The following DLG2 variants were observed in gnomAD, a reference collection of about 807,000 sequenced individuals.
DLG2 encodes the protein discs large MAGUK scaffold protein 2, also known as disks large homolog 2.
DLG2 carries 45 observed loss-of-function variants against 132.5 expected under a neutral mutation model. That is an observed-to-expected ratio of 0.34 (90% CI 0.27 to 0.44). The LOEUF is 0.44. Among genes scored for constraint, DLG2 ranks in the 20% least tolerant of loss-of-function variants. The pLI is 1.00. For synonymous variants in DLG2, 424 were observed against 419.6 expected (o/e 1.01, Z -0.13); for missense variants, 1,045 against 1,196.9 (o/e 0.87, Z 1.87).
chr11:84,919,790 C>A (rs528718712), intron 6 of DLG2, among the ~76,000 whole-genome samples: 1 of 152,280 alleles, frequency 6.6e-6, no homozygotes, highest in South Asian at 2.1e-4. Flanking sequence ...ATGATACAGA[C>A]ATCTGATGCA....
At chr11:83,945,468 G>A (rs1346574227) in intron 14 of DLG2, among the ~76,000 whole-genome samples, 4 of 152,052 alleles carry the variant, frequency 2.6e-5, no homozygotes, top group Admixed American at 6.6e-5. Flanking sequence ...CCAGGTTTTC[G>A]TTCCTCAAAA....
chr11:84,868,418 AAG>A lies in DLG2; in HGVS notation c.357+243241_357+243242del, dbSNP rs1420692866. ...TCATTCTGCATTCATTGCTTCAAGT[AAG>A]AGATAGTTCCAAAACAAACAAACTG... On this transcript the variant is annotated intron_variant, in intron 6 of 27. Coordinates refer to ENST00000376104, the MANE Select transcript of DLG2 (RefSeq NM_001142699.3). Among the ~76,000 whole-genome samples the A allele has an allele frequency of 8.5e-5, 13 of 152,148 alleles. 1 individual carries two copies. Among genetic ancestry groups the A allele is most frequent in the Admixed American group, 7.2e-4 (11 of 15,262 alleles).
At chr11:85,117,676 A>T (rs1023928421) in intron 5 of DLG2, among the ~76,000 whole-genome samples, 1 of 151,756 alleles carries the variant, frequency 6.6e-6, no homozygotes, top group African/African-American at 2.4e-5. Context: ...AAAAATGAAA[A>T]GAGAAGTCTA....
At chr11:83,666,655 T>G (rs558002040) in intron 18 of DLG2, among the ~76,000 whole-genome samples, 3 of 152,288 alleles carry the variant, frequency 2.0e-5, no homozygotes, top group Non-Finnish European at 4.4e-5. Flanking sequence ...ATTTCCAGAC[T>G]TTTGTTCCCT....
intron 6 of DLG2, among the ~76,000 whole-genome samples, chr11:84,805,264 A>C (rs938719716): frequency 7.9e-5 from 12 of 152,204 alleles, no homozygotes; most frequent in Non-Finnish European, 2.9e-5. Flanking sequence ...GGAAACTGGG[A>C]ATTTTATCCC....
At chr11:84,542,004 A>G (rs17807689) in intron 6 of DLG2, among the ~76,000 whole-genome samples, 10,385 of 152,212 alleles carry the variant, frequency 0.068, 419 homozygotes, top group South Asian at 0.11. Flanking sequence ...GGCACAGTGC[A>G]TGATAACTGA....
chr11:83,666,881 A>T (rs1452581088), intron 18 of DLG2, among the ~76,000 whole-genome samples: 1 of 152,198 alleles, frequency 6.6e-6, no homozygotes, highest in Non-Finnish European at 1.5e-5. Flanking sequence ...AAATACAGAG[A>T]AAGAATGGAG....
intron 3 of DLG2, among the ~76,000 whole-genome samples, chr11:85,500,569 T>C (rs1314091104): frequency 1.4e-5 from 2 of 141,116 alleles, no homozygotes; most frequent in African/African-American, 6.3e-5. Flanking sequence ...AATAAATAAA[T>C]AAATAAATAA....
At chr11:85,477,246 AGCTG>A (rs1479548259) in intron 3 of DLG2, among the ~76,000 whole-genome samples, 1 of 152,256 alleles carries the variant, frequency 6.6e-6, no homozygotes, top group African/African-American at 2.4e-5. Context: ...GTTTCTAGAT[AGCTG>A]GCTATTTTTA....
At chr11:85,222,806 T>G (rs1021337653) in intron 4 of DLG2, among the ~76,000 whole-genome samples, 7 of 152,248 alleles carry the variant, frequency 4.6e-5, no homozygotes, top group African/African-American at 1.7e-4. Flanking sequence ...AGATTTTTTT[T>G]TCCCGGCTAG....
At position 85,492,665 on chromosome 11, in the gene DLG2, C is replaced by A. The variant is rs543477140; in HGVS notation, c.40+105992G>T. On this transcript the variant is annotated intron_variant, in intron 3 of 27. Coordinates refer to ENST00000376104, the MANE Select transcript of DLG2 (RefSeq NM_001142699.3). ...CCTTTATTATGTCAAATGAATGCAACCGGATATATTAGCATCAAATTGGGA... is the reference window on the plus strand; with the variant it reads ...CCTTTATTATGTCAAATGAATGCAAACGGATATATTAGCATCAAATTGGGA... Among the ~76,000 whole-genome samples the A allele has an allele frequency of 4.6e-5, 7 of 150,816 alleles. No homozygotes were observed. In the South Asian group the frequency reaches 1.5e-3, roughly 32 times the overall value.
intron 6 of DLG2, among the ~76,000 whole-genome samples, chr11:85,103,785 C>T (rs1363797169): frequency 6.6e-6 from 1 of 151,790 alleles, no homozygotes; most frequent in Non-Finnish European, 1.5e-5. Context: ...AAAAAGATAA[C>T]CCACAGAACA....
At chr11:84,742,069 G>A (rs1331552465) in intron 6 of DLG2, among the ~76,000 whole-genome samples, 1 of 151,544 alleles carries the variant, frequency 6.6e-6, no homozygotes, top group Non-Finnish European at 1.5e-5. Flanking sequence ...CCAAGCAGAA[G>A]AAACATTTTC....
At chr11:83,955,527 C>T (rs1192019402) in intron 14 of DLG2, among the ~76,000 whole-genome samples, 3 of 152,210 alleles carry the variant, frequency 2.0e-5, no homozygotes, top group Admixed American at 1.3e-4. Flanking sequence ...ATAACTTCTA[C>T]TCCTGTTCAC....
rs574898248 is a variant in DLG2, at chr11:84,347,154, G to T, written c.520-95863C>A. 6.7e-4 allele frequency among the ~76,000 whole-genome samples: 102 copies of T among 152,128 alleles called. 1 individual carries two copies. Among genetic ancestry groups the T allele is most frequent in the Non-Finnish European group, 1.2e-3 (80 of 68,024 alleles). Reference sequence around the variant, plus strand: ...TGAATGATATGGAAAGTGTCACCCAGCTGTGCACAGACAGAAGCTTGGCAG... The same window carrying T: ...TGAATGATATGGAAAGTGTCACCCATCTGTGCACAGACAGAAGCTTGGCAG... On this transcript the variant is annotated intron_variant, in intron 7 of 27. Transcript: ENST00000376104.
At chr11:83,992,579 A>G (rs914553488) in intron 11 of DLG2, among the ~76,000 whole-genome samples, 1 of 152,162 alleles carries the variant, frequency 6.6e-6, no homozygotes, top group Non-Finnish European at 1.5e-5. Context: ...GGTGAAAGTA[A>G]TAAGTAGTTT....
chr11:84,542,326 G>T (rs2099376459), intron 6 of DLG2, among the ~76,000 whole-genome samples: 1 of 152,158 alleles, frequency 6.6e-6, no homozygotes, highest in South Asian at 2.1e-4. Context: ...TATGAAGCAG[G>T]TATAAAATTA....
At chr11:84,591,194 G>C (rs1474431817) in intron 6 of DLG2, among the ~76,000 whole-genome samples, 1 of 138,318 alleles carries the variant, frequency 7.2e-6, no homozygotes, top group Non-Finnish European at 1.6e-5. Context: ...CTAAAGTTTT[G>C]TTATAAACAC....
intron 16 of DLG2, among the ~76,000 whole-genome samples, chr11:83,857,029 A>G (rs1305175729): frequency 6.6e-6 from 1 of 152,078 alleles, no homozygotes; most frequent in East Asian, 1.9e-4. Flanking sequence ...TACAGTTTTA[A>G]TCTTCTGTAT....
Sources: allele counts gnomAD v4.1 joint callset (sites outside exome capture counted in the v4.1 genomes callset), GRCh38; gene constraint gnomAD v4.1.1; transcripts MANE v1.5; gene names NCBI Gene and HGNC (gene_info 2026-07-23, HGNC 2026-07-21).